Variants in ADGRE3 observed in about 807,000 individuals in gnomAD.
ADGRE3 encodes adhesion G protein-coupled receptor E3.
A neutral mutation model predicts 80.1 loss-of-function variants in ADGRE3; 88 were observed. The observed-to-expected ratio is 1.10, with a 90% CI of 0.93 to 1.31. ADGRE3 has a LOEUF of 1.31. ADGRE3 is among the 40% of genes most tolerant of loss of function. ADGRE3 has a pLI of 0.00. For synonymous variants in ADGRE3, 281 were observed against 294.8 expected, an observed-to-expected ratio of 0.95 and a Z score of 0.48; for missense variants, 715 against 776.5, an observed-to-expected ratio of 0.92 and a Z score of 0.94.
chr19:14,670,376 C>T lies in ADGRE3; in HGVS notation c.26-1524G>A, dbSNP rs574240694. Among the ~76,000 whole-genome samples, 8 of 152,318 alleles carry T rather than the reference C, an allele frequency of 5.3e-5. No homozygotes were observed. The East Asian group carries it at 1.3e-3, about 26-fold the overall frequency. Reference sequence around the variant, plus strand: ...TCTTGACACTCATCCCTGAAAGTCACCTGGCTCTACTTCCATCATATTCCC... The same window carrying T: ...TCTTGACACTCATCCCTGAAAGTCATCTGGCTCTACTTCCATCATATTCCC... On this transcript the variant is annotated intron_variant, in intron 1 of 15. Transcript: ENST00000253673.
At chr19:14,605,795 G>T in the ADGRE3 span, among the ~76,000 whole-genome samples, 1 of 152,128 alleles carries the variant, frequency 6.6e-6, no homozygotes. Context: ...CTGGAGTGCA[G>T]TGGTGCATTC....
intron 13 of ADGRE3, among the ~76,000 whole-genome samples, chr19:14,630,883 A>G (rs1439236968): frequency 6.6e-6 from 1 of 151,874 alleles, no homozygotes; most frequent in Non-Finnish European, 1.5e-5. Flanking sequence ...TCATTTATAG[A>G]CAGGGGTCAT....
downstream of ADGRE3, among the ~76,000 whole-genome samples, chr19:14,614,420 GA>G (rs1267293467): frequency 6.6e-6 from 1 of 152,126 alleles, no homozygotes; most frequent in African/African-American, 2.4e-5. Flanking sequence ...AAATATGAAA[GA>G]GGTCACTTTT....
intron 9 of ADGRE3, among the ~76,000 whole-genome samples, chr19:14,643,193 T>C (rs1415607220): frequency 1.3e-5 from 2 of 149,148 alleles, no homozygotes; most frequent in Non-Finnish European, 3.0e-5. Flanking sequence ...GTCGCCAGGA[T>C]GGAGTTCAGT....
chr19:14,649,067 T>C (rs1971501448), intron 7 of ADGRE3, among the ~76,000 whole-genome samples: 1 of 149,610 alleles, frequency 6.7e-6, no homozygotes, highest in Non-Finnish European at 1.5e-5. Context: ...TCTAATTCCA[T>C]CTCTCTCTCC....
intron 5 of ADGRE3, among the ~76,000 whole-genome samples, chr19:14,658,067 G>A (rs1443477741): frequency 6.6e-6 from 1 of 152,048 alleles, no homozygotes; most frequent in East Asian, 1.9e-4. Context: ...GCCAAGCCCG[G>A]CAATACTGTA....
At chr19:14,670,973 C>T (rs1022522885) in intron 1 of ADGRE3, among the ~76,000 whole-genome samples, 2 of 152,050 alleles carry the variant, frequency 1.3e-5, no homozygotes, top group African/African-American at 2.4e-5. Context: ...CCTTTTTTCC[C>T]CCGGCAGATG....
intron 15 of ADGRE3, among the ~76,000 whole-genome samples, chr19:14,620,480 CAT>C (rs1970530110): frequency 4.4e-5 from 1 of 22,604 alleles, no homozygotes; most frequent in Non-Finnish European, 8.4e-5. Flanking sequence ...ATTATGAGTA[CAT>C]ATGAATATAT....
intron 13 of ADGRE3, among the ~76,000 whole-genome samples, chr19:14,632,549 A>G (rs141675981): frequency 2.1e-4 from 32 of 152,254 alleles, no homozygotes; most frequent in Non-Finnish European, 3.7e-4. Flanking sequence ...CCTCCTTCCC[A>G]TGGATGGGAT....
chr19:14,636,012 T>TTCCTTCCTTCCTTC lies in ADGRE3; in HGVS notation c.1484+2092_1484+2093insGAAGGAAGGAAGGA, dbSNP rs1568480908. Among the ~76,000 whole-genome samples the TTCCTTCCTTCCTTC allele has an allele frequency of 1.2e-3, 119 of 99,306 alleles. 7 individuals carry two copies. Among genetic ancestry groups the TTCCTTCCTTCCTTC allele is most frequent in the African/African-American group, 2.0e-3 (52 of 25,478 alleles). 65.1% of individuals were successfully genotyped at this position (99,306 alleles called of 152,430 possible). ...TCCTTTCTCTCTCTTTCTCTTTCTTTCTTCCTTCCTTCCTTCCTTCCTTCC... is the reference window on the plus strand; with the variant it reads ...TCCTTTCTCTCTCTTTCTCTTTCTTTTCCTTCCTTCCTTCCTTCCTTCCTTCCTTCCTTCCTTCC... On this transcript the variant is annotated intron_variant, in intron 11 of 15. Coordinates refer to ENST00000253673, the MANE Select transcript of ADGRE3 (RefSeq NM_032571.5).
At chr19:14,603,792 T>C in the ADGRE3 span, among the ~76,000 whole-genome samples, 4 of 152,150 alleles carry the variant, frequency 2.6e-5, no homozygotes, top group African/African-American at 9.6e-5. Context: ...AATTCATTAA[T>C]TCAACCAACA....
At position 14,644,390 on chromosome 19, in the gene ADGRE3, G is replaced by A. The variant is rs532650351; in HGVS notation, c.883-115C>T. On this transcript the variant is annotated intron_variant, in intron 8 of 15. Transcript: ENST00000253673. ...GGCTGGAGTGCAGTGGCTCAATCTC[G>A]GCTCACTGCAACCTCCGCTTCCTGG... is the stretch of plus-strand genomic sequence containing the variant. The A allele has an allele frequency of 3.1e-4, 208 of 662,736 alleles. 4 individuals carry two copies. The South Asian group carries it at 4.5e-3, about 14-fold the overall frequency. The allele number at this position is 662,736 out of a possible 1,614,324, so 41.1% of individuals were successfully genotyped here.
intron 14 of ADGRE3, chr19:14,628,802 A>G (rs7246693): frequency 0.51 from 118,438 of 230,074 alleles, 31,190 homozygotes; most frequent in Non-Finnish European, 0.55. Context: ...GGACAGTGAC[A>G]GCTTTAAGGG....
chr19:14,607,081 A>G, the ADGRE3 span: 3 of 1,326,446 alleles, frequency 2.3e-6, no homozygotes, highest in Non-Finnish European at 2.9e-6. Flanking sequence ...AGGTGGCTGG[A>G]TGGGTCTCCT....
chr19:14,644,575 C>T (rs1430918369), intron 8 of ADGRE3, among the ~76,000 whole-genome samples: 1 of 152,014 alleles, frequency 6.6e-6, no homozygotes, highest in African/African-American at 2.4e-5. Context: ...CTGCCTTTGC[C>T]TCCCAAAGTG....
chr19:14,620,115 T>G (rs1970496588), intron 15 of ADGRE3, among the ~76,000 whole-genome samples: 1 of 152,126 alleles, frequency 6.6e-6, no homozygotes, highest in Admixed American at 6.6e-5. Flanking sequence ...CTTTATCACG[T>G]TTCTTGGGAA....
downstream of ADGRE3, among the ~76,000 whole-genome samples, chr19:14,618,725 CCAT>C (rs1478301725): frequency 2.0e-5 from 3 of 150,758 alleles, no homozygotes; most frequent in Admixed American, 1.3e-4. Flanking sequence ...ACATGGTGGT[CCAT>C]ACCTGTAACG....
At chr19:14,620,566 ATATT>A (rs1970569223) in intron 15 of ADGRE3, among the ~76,000 whole-genome samples, 2 of 16,052 alleles carry the variant, frequency 1.2e-4, no homozygotes, top group African/African-American at 2.5e-4. Flanking sequence ...ATATATATAT[ATATT>A]TTTTTTTTTT....
At chr19:14,617,316 CCTTGCT>C (rs2075080834), downstream of ADGRE3, among the ~76,000 whole-genome samples, 3 of 126,432 alleles carry the variant, frequency 2.4e-5, no homozygotes, top group Admixed American at 8.8e-5. Flanking sequence ...TCTCTCTTCC[CCTTGCT>C]TCCCTCCCTC....
Sources: gnomAD v4.1 joint callset for allele counts (sites outside exome capture counted in the v4.1 genomes callset) on GRCh38, gnomAD v4.1.1 for gene constraint, MANE v1.5 for transcripts, NCBI Gene and HGNC (gene_info 2026-07-23, HGNC 2026-07-21) for gene names.